The following PLB1 variants were observed in gnomAD, a reference collection of about 807,000 sequenced individuals.
PLB1 encodes the protein phospholipase B1, membrane-associated.
In PLB1, 242 loss-of-function variants were observed where a neutral mutation model predicts 227.4. That is an observed-to-expected ratio of 1.06 (90% CI 0.96 to 1.18). The LOEUF (loss-of-function observed/expected upper bound fraction) is 1.18. PLB1 is among the 50% of genes most tolerant of loss of function. PLB1 has a pLI of 0.00. For synonymous variants in PLB1, 757 were observed against 682.2 expected, an observed-to-expected ratio of 1.11 and a Z score of -1.71; for missense variants, 1,858 against 1,816.3, an observed-to-expected ratio of 1.02 and a Z score of -0.42.
At chr2:28,558,365 G>C (rs1675487642) in intron 17 of PLB1, among the ~76,000 whole-genome samples, 1 of 152,140 alleles carries the variant, frequency 6.6e-6, no homozygotes, top group African/African-American at 2.4e-5. Flanking sequence ...TTCACTGTAT[G>C]ATGCATTATG....
intron 33 of PLB1, chr2:28,594,263 A>T (rs1456077941): frequency 7.2e-6 from 2 of 276,316 alleles, no homozygotes; most frequent in African/African-American, 4.4e-5. Flanking sequence ...GTCTTGAAAG[A>T]TTAGCAATTC....
rs750928978 is a variant in PLB1 at position 28,557,277 on chromosome 2, C to G, written c.1147+4286C>G. Among the ~76,000 whole-genome samples the G allele has an allele frequency of 2.1e-4, 32 of 152,160 alleles. 1 individual carries two copies. The highest frequency in any genetic ancestry group is 1.9e-3 in the Admixed American group (29 of 15,274). Reference sequence around the variant, plus strand: ...GCCTTTAATTCCAGTTAACACGTTTCTTGAGCTCCTCTGTGGAAGGCACGC... The same window carrying G: ...GCCTTTAATTCCAGTTAACACGTTTGTTGAGCTCCTCTGTGGAAGGCACGC... On this transcript the variant is annotated intron_variant, in intron 17 of 57. Transcript: ENST00000327757.
At chr2:28,635,342 G>A (rs77865708) in intron 56 of PLB1, among the ~76,000 whole-genome samples, 1 of 152,308 alleles carries the variant, frequency 6.6e-6, no homozygotes, top group African/African-American at 2.4e-5. Flanking sequence ...GACCATTAGA[G>A]CTGGAACAGA....
chr2:28,618,931 G>T (rs1179739779), intron 46 of PLB1, among the ~76,000 whole-genome samples: 1 of 152,194 alleles, frequency 6.6e-6, no homozygotes, highest in African/African-American at 2.4e-5. Context: ...GGGAAATGAG[G>T]TATGAAACAC....
intron 4 of PLB1, among the ~76,000 whole-genome samples, chr2:28,524,498 G>A (rs1272802204): frequency 6.6e-6 from 1 of 152,016 alleles, no homozygotes; most frequent in Non-Finnish European, 1.5e-5. Flanking sequence ...CAAAAATATG[G>A]ATTCAACATA....
At chr2:28,632,263 G>C in intron 55 of PLB1, 123 bp downstream of exon 55, 1 of 788,872 alleles carries the variant, frequency 1.3e-6, no homozygotes, top group Non-Finnish European at 2.0e-6. Flanking sequence ...GGATTCCTGA[G>C]GGTGGCTTTT....
chr2:28,603,287 C>G (rs963412086), intron 39 of PLB1, among the ~76,000 whole-genome samples: 3 of 152,180 alleles, frequency 2.0e-5, no homozygotes, highest in Admixed American at 2.0e-4. Flanking sequence ...GTACAAGCAA[C>G]TCAGTTACCT....
chr2:28,610,814 C>T (rs1320761503), intron 43 of PLB1, among the ~76,000 whole-genome samples: 1 of 152,132 alleles, frequency 6.6e-6, no homozygotes, highest in Non-Finnish European at 1.5e-5. Context: ...GGCTCTGCCT[C>T]CCCAGGCAGC....
intron 26 of PLB1, 84 bp downstream of exon 26, chr2:28,585,926 T>C: frequency 7.8e-7 from 1 of 1,288,872 alleles, no homozygotes; most frequent in Non-Finnish European, 1.1e-6. Context: ...AGTGCTTAGG[T>C]AATTTTGACC....
chr2:28,496,213 C>T (rs369925077), intron 1 of PLB1, 44 bp downstream of exon 1: 10 of 1,581,698 alleles, frequency 6.3e-6, no homozygotes, highest in African/African-American at 2.7e-5. Flanking sequence ...GGTTTAGCCC[C>T]GCTGGTGTCC....
At position 28,563,232 on chromosome 2, in the gene PLB1, T is replaced by A; in HGVS notation, c.1206+133T>A. The A allele has an allele frequency of 3.4e-6, 3 of 884,560 alleles. No homozygotes were observed. In the South Asian group the frequency reaches 4.3e-5, roughly 13 times the overall value. 54.8% of individuals were successfully genotyped at this position (884,560 alleles called of 1,614,324 possible). On this transcript the variant is annotated intron_variant, in intron 18 of 57. Transcript: ENST00000327757. ...CTACCATCTCGGGTCCTGATCTCCA[T>A]CTCTCCATTGTCCGACCCACCCTGG... is the stretch of plus-strand genomic sequence containing the variant.
chr2:28,591,619 A>C, intron 30 of PLB1, 81 bp from the exon 31 acceptor site: 15 of 1,438,090 alleles, frequency 1.0e-5, no homozygotes, highest in Non-Finnish European at 1.5e-5. Flanking sequence ...GTATTTTTCA[A>C]AGTTCTTGGG....
In PLB1 at chr2:28,543,196, A is replaced by G; in HGVS notation, c.880-16A>G. The stretch of plus-strand genomic sequence containing the variant: ...GGGGAGACAAAAGGTCCCGCTGTCA[A>G]CTGGTTCTCTTTTAGGAGGACCCCC... On this transcript the variant is annotated splice_polypyrimidine_tract_variant and intron_variant, in intron 13 of 57. Coordinates refer to ENST00000327757, the MANE Select transcript of PLB1 (RefSeq NM_153021.5). 3.7e-6 allele frequency: 6 copies of G among 1,604,104 alleles called. No individual in the cohort carries two copies. The highest frequency in any genetic ancestry group is 5.1e-6 in the Non-Finnish European group (6 of 1,175,540).
chr2:28,616,361 G>A (rs936550572), intron 44 of PLB1, among the ~76,000 whole-genome samples: 2 of 152,182 alleles, frequency 1.3e-5, no homozygotes, highest in South Asian at 4.1e-4. Flanking sequence ...CACTTAATAT[G>A]TCAATTAAAA....
At chr2:28,619,954 C>T (rs1686785553) in intron 46 of PLB1, among the ~76,000 whole-genome samples, 1 of 152,044 alleles carries the variant, frequency 6.6e-6, no homozygotes, top group Non-Finnish European at 1.5e-5. Context: ...GGCAGGAGGC[C>T]AGCGTATTGC....
intron 35 of PLB1, among the ~76,000 whole-genome samples, chr2:28,599,189 T>C (rs530804491): frequency 1.2e-4 from 19 of 152,306 alleles, no homozygotes; most frequent in African/African-American, 4.6e-4. Context: ...CAAAGAGTCA[T>C]GTCCCCTCCC....
intron 22 of PLB1, among the ~76,000 whole-genome samples, chr2:28,579,001 C>T (rs1389415498): frequency 6.6e-6 from 1 of 152,152 alleles, no homozygotes. Context: ...GCTGCACCCT[C>T]TCCACACAGC....
intron 56 of PLB1, among the ~76,000 whole-genome samples, chr2:28,636,562 A>C (rs1421952066): frequency 6.6e-6 from 1 of 152,182 alleles, no homozygotes; most frequent in Non-Finnish European, 1.5e-5. Flanking sequence ...AAATAGCCCC[A>C]AACTAGAAAC....
chr2:28,577,746 C>T (rs958197247), intron 21 of PLB1, among the ~76,000 whole-genome samples: 1 of 152,216 alleles, frequency 6.6e-6, no homozygotes, highest in Admixed American at 6.5e-5. Context: ...GAGGCTGAAT[C>T]AGGAGAATTG....
Sources: allele counts gnomAD v4.1 joint callset (sites outside exome capture counted in the v4.1 genomes callset), GRCh38; gene constraint gnomAD v4.1.1; transcripts MANE v1.5; gene names NCBI Gene and HGNC (gene_info 2026-07-23, HGNC 2026-07-21).